KDM4C: variants seen among roughly 807,000 people sequenced by gnomAD.
The protein encoded by KDM4C is lysine-specific demethylase 4C.
In KDM4C, 81 loss-of-function variants were observed where a neutral mutation model predicts 129.3. The ratio of observed to expected loss-of-function variants is 0.63; its 90% CI spans 0.52 to 0.75. The LOEUF is 0.75. KDM4C is among the 30% of genes least tolerant of loss of function. The pLI is 0.00. For missense variants in KDM4C, 1,457 were observed against 1,304.0 expected (o/e 1.12, Z -1.81); for synonymous variants, 573 against 456.1 (o/e 1.26, Z -3.26).
chr9:6,813,669 G>A (rs1322710471), intron 3 of KDM4C, among the ~76,000 whole-genome samples: 2 of 152,114 alleles, frequency 1.3e-5, no homozygotes, highest in African/African-American at 4.8e-5. Context: ...TTCCTTTTAT[G>A]TGGTGAGATT....
chr9:6,879,031 T>C (rs10124740), intron 5 of KDM4C, among the ~76,000 whole-genome samples: 90,767 of 152,046 alleles, frequency 0.6, 27,555 homozygotes, highest in East Asian at 0.71. Flanking sequence ...ATAGTTATAT[T>C]GGATCCAATT....
intron 15 of KDM4C, among the ~76,000 whole-genome samples, chr9:7,037,421 G>T (rs1024223988): frequency 6.6e-6 from 1 of 152,172 alleles, no homozygotes; most frequent in Admixed American, 6.5e-5. Flanking sequence ...ATGAACAACT[G>T]TGACAGCCAT....
intron 9 of KDM4C, 53 bp downstream of exon 9, chr9:6,981,171 A>G: frequency 2.8e-6 from 4 of 1,442,700 alleles, no homozygotes; most frequent in Non-Finnish European, 3.8e-6. Flanking sequence ...TTTCTCAGTT[A>G]AAATGGGTCA....
intron 17 of KDM4C, among the ~76,000 whole-genome samples, chr9:7,095,410 T>G (rs1017819124): frequency 6.6e-6 from 1 of 152,194 alleles, no homozygotes; most frequent in Non-Finnish European, 1.5e-5. Flanking sequence ...CTCAGATACC[T>G]TTAGGCCTTC....
At chr9:7,143,847 G>C (rs1002427321) in intron 19 of KDM4C, among the ~76,000 whole-genome samples, 4 of 152,036 alleles carry the variant, frequency 2.6e-5, no homozygotes, top group Non-Finnish European at 5.9e-5. Context: ...TTGAAATGCT[G>C]GTAGTAATTA....
At chr9:6,833,243 AT>A (rs966601543) in intron 4 of KDM4C, among the ~76,000 whole-genome samples, 1 of 151,790 alleles carries the variant, frequency 6.6e-6, no homozygotes, top group African/African-American at 2.4e-5. Flanking sequence ...TATTTAGCCT[AT>A]TTTTTTTAAA....
In KDM4C at chr9:7,174,541, A is replaced by T; in HGVS notation, c.2995-12A>T. The T allele has an allele frequency of 6.2e-7, 1 of 1,613,596 alleles. No individual in the cohort carries two copies. Among genetic ancestry groups the T allele is most frequent in the Non-Finnish European group, 8.5e-7 (1 of 1,179,524 alleles). The stretch of plus-strand genomic sequence containing the variant: ...CCGTGCCCTTTTGCAATATAACACC[A>T]GCTGCTTTTAGTCCACAGCCTCTGA... On this transcript the variant is annotated splice_polypyrimidine_tract_variant and intron_variant, in intron 21 of 21. Transcript: ENST00000381309.
rs143644550 is a variant in KDM4C, at chr9:6,858,470, A to T, written c.629+8770A>T. Among the ~76,000 whole-genome samples, 5 of 152,282 alleles carry T rather than the reference A, an allele frequency of 3.3e-5. No individual in the cohort carries two copies. The East Asian group carries it at 9.6e-4, about 29-fold the overall frequency. On this transcript the variant is annotated intron_variant, in intron 5 of 21. Transcript: ENST00000381309. ...CCCAACTTTCTTTATTGTGTACTTC[A>T]TGGAAAGCAAGCATTAATGCTGTTC...
chr9:6,981,833 T>A, intron 9 of KDM4C: 1 of 278,672 alleles, frequency 3.6e-6, no homozygotes, highest in South Asian at 3.5e-5. Context: ...CTCATTGTTT[T>A]TCTTTCAGAT....
intron 19 of KDM4C, among the ~76,000 whole-genome samples, chr9:7,159,456 G>T (rs1473040934): frequency 6.6e-6 from 1 of 152,176 alleles, no homozygotes; most frequent in Non-Finnish European, 1.5e-5. Context: ...TCATGTTTTT[G>T]CAGTGGCTGC....
At chr9:7,142,860 T>TGC (rs1841887268) in intron 19 of KDM4C, among the ~76,000 whole-genome samples, 2 of 152,094 alleles carry the variant, frequency 1.3e-5, no homozygotes, top group Non-Finnish European at 2.9e-5. Context: ...AGGCTGTGTG[T>TGC]GTGTGTGTGT....
At chr9:6,965,786 A>G (rs143631830) in intron 8 of KDM4C, among the ~76,000 whole-genome samples, 518 of 152,340 alleles carry the variant, frequency 3.4e-3, no homozygotes, top group African/African-American at 0.012. Flanking sequence ...AGGGAGAGAC[A>G]TCTGCTTTAC....
chr9:7,091,622 C>T lies in KDM4C; in HGVS notation c.2425-12063C>T, dbSNP rs546530167. Reference sequence around the variant, plus strand: ...ACATGGCTACAAGAACAAAATACTTCAAAGTCCTGGCTGAAAACCCTGAAT... The same window carrying T: ...ACATGGCTACAAGAACAAAATACTTTAAAGTCCTGGCTGAAAACCCTGAAT... On this transcript the variant is annotated intron_variant, in intron 17 of 21. Transcript: ENST00000381309. Among the ~76,000 whole-genome samples, 3 of 152,326 alleles carry T rather than the reference C, an allele frequency of 2.0e-5. No homozygotes were observed. In the East Asian group the frequency reaches 5.8e-4, roughly 29 times the overall value.
At chr9:7,052,355 T>C (rs889835568) in intron 17 of KDM4C, among the ~76,000 whole-genome samples, 47 of 152,234 alleles carry the variant, frequency 3.1e-4, no homozygotes, top group Non-Finnish European at 6.8e-4. Flanking sequence ...TATGTGTATA[T>C]GCACATAGTA....
At chr9:6,897,447 C>G (rs1416349586) in intron 8 of KDM4C, among the ~76,000 whole-genome samples, 1 of 152,208 alleles carries the variant, frequency 6.6e-6, no homozygotes, top group Non-Finnish European at 1.5e-5. Flanking sequence ...TAGCCAAATC[C>G]TGTAAGATGC....
intron 1 of KDM4C, among the ~76,000 whole-genome samples, chr9:6,759,691 G>A (rs1053911799): frequency 1.3e-5 from 2 of 152,056 alleles, no homozygotes; most frequent in African/African-American, 4.8e-5. Context: ...CGTGGCTCCT[G>A]CCTGTAATCC....
chr9:7,033,608 C>A (rs1044825143), intron 15 of KDM4C, among the ~76,000 whole-genome samples: 2 of 152,184 alleles, frequency 1.3e-5, no homozygotes, highest in African/African-American at 4.8e-5. Context: ...TAAAAAGTCA[C>A]AAATCATTTT....
At chr9:6,987,702 C>G (rs565231837) in intron 11 of KDM4C, among the ~76,000 whole-genome samples, 34 of 152,212 alleles carry the variant, frequency 2.2e-4, no homozygotes, top group African/African-American at 7.9e-4. Context: ...ATATACTTTT[C>G]TGATTTGACC....
At chr9:6,780,981 C>G (rs1588217096) in intron 1 of KDM4C, among the ~76,000 whole-genome samples, 1 of 151,952 alleles carries the variant, frequency 6.6e-6, no homozygotes, top group Non-Finnish European at 1.5e-5. Flanking sequence ...TTCTACTTTT[C>G]TCTGCTGATC....
Sources: allele counts gnomAD v4.1 joint callset (sites outside exome capture counted in the v4.1 genomes callset), GRCh38; gene constraint gnomAD v4.1.1; transcripts MANE v1.5; gene names NCBI Gene and HGNC (gene_info 2026-07-23, HGNC 2026-07-21).